Variants in GALNTL6 observed in about 807,000 individuals in gnomAD.
GALNTL6 encodes polypeptide N-acetylgalactosaminyltransferase-like 6.
Under a neutral mutation model 73.7 loss-of-function variants are expected in GALNTL6, and 46 were observed. That is an observed-to-expected ratio of 0.62 (90% CI 0.49 to 0.80). The LOEUF is 0.80. Among genes scored for constraint, GALNTL6 ranks in the 30% least tolerant of loss-of-function variants. The probability of loss-of-function intolerance (pLI) is 0.00; values close to 1 mark genes in which losing one functional copy is unlikely to be tolerated. For synonymous variants in GALNTL6, 259 were observed against 263.7 expected (o/e 0.98, Z 0.17); for missense variants, 604 against 755.0 (o/e 0.80, Z 2.34).
At chr4:172,684,630 T>C (rs555160697) in intron 5 of GALNTL6, among the ~76,000 whole-genome samples, 1 of 152,228 alleles carries the variant, frequency 6.6e-6, no homozygotes, top group East Asian at 1.9e-4. Flanking sequence ...TTGGGGAGAA[T>C]GCTAAAGGCA....
chr4:172,977,385 A>G (rs151171574), intron 10 of GALNTL6, among the ~76,000 whole-genome samples: 1 of 152,312 alleles, frequency 6.6e-6, no homozygotes, highest in Non-Finnish European at 1.5e-5. Flanking sequence ...ATAACTGAAC[A>G]ACTCCTCACA....
intron 5 of GALNTL6, among the ~76,000 whole-genome samples, chr4:172,539,875 TTATATATA>T (rs10589603): frequency 0.038 from 4,775 of 126,610 alleles, 161 homozygotes; most frequent in African/African-American, 0.093. Context: ...ATACATATGA[TTATATATA>T]TATATATATA....
intron 2 of GALNTL6, among the ~76,000 whole-genome samples, chr4:172,125,356 A>C (rs1021548454): frequency 6.6e-6 from 1 of 152,202 alleles, no homozygotes; most frequent in Non-Finnish European, 1.5e-5. Flanking sequence ...AGTTTAGAAG[A>C]TGGTTGAATG....
At chr4:172,368,334 T>A (rs1398580767) in intron 5 of GALNTL6, among the ~76,000 whole-genome samples, 2 of 152,032 alleles carry the variant, frequency 1.3e-5, no homozygotes, top group Admixed American at 1.3e-4. Context: ...TGAGCTGAGA[T>A]CACGCCATTG....
At chr4:172,817,828 C>T (rs1016275394) in intron 7 of GALNTL6, among the ~76,000 whole-genome samples, 6 of 152,134 alleles carry the variant, frequency 3.9e-5, no homozygotes, top group African/African-American at 1.2e-4. Context: ...AAAAGATAGT[C>T]GTTTCTGTTA....
chr4:172,591,813 A>G (rs1174842253), intron 5 of GALNTL6, among the ~76,000 whole-genome samples: 1 of 152,218 alleles, frequency 6.6e-6, no homozygotes, highest in Non-Finnish European at 1.5e-5. Flanking sequence ...AAATAAGAAA[A>G]GTCGTCAAAA....
At chr4:171,814,036 CGAA>C (rs1367963353) in intron 1 of GALNTL6, 46 bp downstream of exon 1, 1 of 152,660 alleles carries the variant, frequency 6.6e-6, no homozygotes, top group African/African-American at 2.4e-5. Context: ...TCAGGGAAGA[CGAA>C]GAAGGTGACG....
intron 5 of GALNTL6, among the ~76,000 whole-genome samples, chr4:172,745,060 G>T (rs533975744): frequency 1.9e-4 from 29 of 152,032 alleles, no homozygotes; most frequent in Admixed American, 1.7e-3. Context: ...GGCTTGAAAG[G>T]ATATGAGAAG....
At chr4:171,826,924 A>G (rs572501) in intron 2 of GALNTL6, among the ~76,000 whole-genome samples, 103,227 of 151,892 alleles carry the variant, frequency 0.68, 36,992 homozygotes, top group East Asian at 0.83. Flanking sequence ...ATTTACCAGT[A>G]TCCTTTACAG....
chr4:172,744,931 G>C (rs1202440133), intron 5 of GALNTL6, among the ~76,000 whole-genome samples: 1 of 150,886 alleles, frequency 6.6e-6, no homozygotes, highest in Non-Finnish European at 1.5e-5. Flanking sequence ...CATTTATTAG[G>C]GAACATTTTC....
At chr4:172,201,516 T>G (rs574309585) in intron 2 of GALNTL6, among the ~76,000 whole-genome samples, 11 of 150,592 alleles carry the variant, frequency 7.3e-5, no homozygotes, top group South Asian at 2.1e-4. Context: ...AGTTTTTTTT[T>G]TTTGTTTTTT....
chr4:172,114,827 T>C (rs1732944065), intron 2 of GALNTL6, among the ~76,000 whole-genome samples: 1 of 152,042 alleles, frequency 6.6e-6, no homozygotes, highest in Admixed American at 6.6e-5. Flanking sequence ...CTGCTAGAGA[T>C]AGAGATAAAC....
At position 172,992,319 on chromosome 4, in the gene GALNTL6, G is replaced by A. The variant is rs149785501; in HGVS notation, c.1372-16859G>A. On this transcript the variant is annotated intron_variant, in intron 10 of 12. Coordinates refer to ENST00000506823, the MANE Select transcript of GALNTL6 (RefSeq NM_001034845.3). ...GACACCTATCAAAAGTCACAGAAGCGGTGTGTAACTTTAAAGCCTCTAGTA... is the reference window on the plus strand; with the variant it reads ...GACACCTATCAAAAGTCACAGAAGCAGTGTGTAACTTTAAAGCCTCTAGTA... 1.9e-3 allele frequency among the ~76,000 whole-genome samples: 287 copies of A among 152,254 alleles called. 2 individuals are homozygous for A. The highest frequency in any genetic ancestry group is 6.7e-3 in the African/African-American group (277 of 41,542).
chr4:172,621,501 C>T (rs1738954440), intron 5 of GALNTL6, among the ~76,000 whole-genome samples: 1 of 152,170 alleles, frequency 6.6e-6, no homozygotes, highest in Non-Finnish European at 1.5e-5. Flanking sequence ...AATTAATCTA[C>T]TTCCAACTTC....
intron 5 of GALNTL6, among the ~76,000 whole-genome samples, chr4:172,736,292 C>T (rs746980831): frequency 1.2e-4 from 19 of 152,170 alleles, no homozygotes; most frequent in Non-Finnish European, 2.5e-4. Context: ...TTTTAGAGAC[C>T]TCCCCCTGAG....
chr4:172,959,966 C>G (rs62341880), intron 10 of GALNTL6, among the ~76,000 whole-genome samples: 57,140 of 152,048 alleles, frequency 0.38, 11,712 homozygotes, highest in East Asian at 0.47. Context: ...CTCAGAAATA[C>G]ATTGCTACTT....
chr4:172,125,093 A>G (rs1388579582), intron 2 of GALNTL6, among the ~76,000 whole-genome samples: 1 of 152,192 alleles, frequency 6.6e-6, no homozygotes, highest in African/African-American at 2.4e-5. Context: ...AAGCAAAAAG[A>G]TGTACCTTCT....
At chr4:172,369,889 G>A (rs997438377) in intron 5 of GALNTL6, among the ~76,000 whole-genome samples, 9 of 152,304 alleles carry the variant, frequency 5.9e-5, no homozygotes, top group South Asian at 2.1e-4. Flanking sequence ...AGCTGGCTCC[G>A]GCCTCGGCCA....
At chr4:172,011,181 G>C (rs1304198298) in intron 2 of GALNTL6, among the ~76,000 whole-genome samples, 2 of 152,088 alleles carry the variant, frequency 1.3e-5, no homozygotes, top group Non-Finnish European at 2.9e-5. Flanking sequence ...GAACTGAGTA[G>C]TCAGATTCTG....
Sources: gnomAD v4.1 joint callset for allele counts (sites outside exome capture counted in the v4.1 genomes callset) on GRCh38, gnomAD v4.1.1 for gene constraint, MANE v1.5 for transcripts, NCBI Gene and HGNC (gene_info 2026-07-23, HGNC 2026-07-21) for gene names.